NLGN1: variants seen among roughly 807,000 people sequenced by gnomAD.
The protein encoded by NLGN1 is neuroligin-1.
In NLGN1, 12 loss-of-function variants were observed where a neutral mutation model predicts 65.5. The observed-to-expected ratio is 0.18, with a 90% CI of 0.12 to 0.30. The LOEUF (loss-of-function observed/expected upper bound fraction) is 0.30. Ranked by LOEUF, NLGN1 falls within the 10% of genes least tolerant of loss-of-function variation. The pLI is 1.00. For synonymous variants in NLGN1, 350 were observed against 359.5 expected, an observed-to-expected ratio of 0.97 and a Z score of 0.30; for missense variants, 750 against 1,007.1, an observed-to-expected ratio of 0.74 and a Z score of 3.46.
At chr3:174,039,768 G>T (rs1731893622) in intron 4 of NLGN1, among the ~76,000 whole-genome samples, 2 of 152,114 alleles carry the variant, frequency 1.3e-5, no homozygotes. Flanking sequence ...CAATGTGTTT[G>T]GAATCGTTTG....
chr3:173,860,410 G>T (rs1406981838), intron 4 of NLGN1, among the ~76,000 whole-genome samples: 1 of 151,462 alleles, frequency 6.6e-6, no homozygotes, highest in Non-Finnish European at 1.5e-5. Context: ...TTTTCTAATT[G>T]TAGACTGTAG....
chr3:173,803,961 T>G (rs9838350), intron 3 of NLGN1, among the ~76,000 whole-genome samples: 103,336 of 152,060 alleles, frequency 0.68, 35,913 homozygotes, highest in Non-Finnish European at 0.75. Context: ...TAAACATATT[T>G]AATGATTATA....
intron 4 of NLGN1, among the ~76,000 whole-genome samples, chr3:173,899,965 C>A (rs1737033232): frequency 6.6e-6 from 1 of 152,038 alleles, no homozygotes. Flanking sequence ...ATGCAATCAA[C>A]TGAGTTCATA....
chr3:174,259,206 A>G (rs563303281), intron 4 of NLGN1, among the ~76,000 whole-genome samples: 2 of 152,102 alleles, frequency 1.3e-5, no homozygotes, highest in East Asian at 1.9e-4. Flanking sequence ...CATTACCCAG[A>G]CCTTATCTTA....
chr3:174,068,336 T>G (rs983735184), intron 4 of NLGN1, among the ~76,000 whole-genome samples: 7 of 152,140 alleles, frequency 4.6e-5, no homozygotes, highest in African/African-American at 1.7e-4. Flanking sequence ...GAGCCCAGTA[T>G]GCTAGATATT....
chr3:173,973,280 C>G (rs1169132029), intron 4 of NLGN1, among the ~76,000 whole-genome samples: 1 of 152,096 alleles, frequency 6.6e-6, no homozygotes, highest in East Asian at 1.9e-4. Flanking sequence ...GTGGGCTGTA[C>G]TTTGTGACAA....
chr3:173,870,237 G>C (rs987623347), intron 4 of NLGN1, among the ~76,000 whole-genome samples: 1 of 152,002 alleles, frequency 6.6e-6, no homozygotes, highest in Non-Finnish European at 1.5e-5. Flanking sequence ...TAAAATCTCT[G>C]TTTTAAAATA....
chr3:174,034,237 A>C (rs934880454), intron 4 of NLGN1, among the ~76,000 whole-genome samples: 1 of 152,118 alleles, frequency 6.6e-6, no homozygotes, highest in African/African-American at 2.4e-5. Flanking sequence ...CAAACATGAA[A>C]GAGAATTAAA....
At chr3:173,547,395 T>C (rs1740045816) in intron 2 of NLGN1, among the ~76,000 whole-genome samples, 1 of 152,158 alleles carries the variant, frequency 6.6e-6, no homozygotes, top group Non-Finnish European at 1.5e-5. Context: ...TCCAGAAGAA[T>C]GTTATCGGGT....
At chr3:174,163,966 G>T (rs147998568) in intron 4 of NLGN1, among the ~76,000 whole-genome samples, 1 of 152,000 alleles carries the variant, frequency 6.6e-6, no homozygotes, top group East Asian at 1.9e-4. Context: ...GGGATTGCTG[G>T]GTCAAATGAT....
At chr3:173,570,043 G>A (rs1021372314) in intron 2 of NLGN1, among the ~76,000 whole-genome samples, 3 of 152,176 alleles carry the variant, frequency 2.0e-5, no homozygotes, top group Admixed American at 6.5e-5. Context: ...TATGATAAAA[G>A]ATAAGGATAA....
intron 3 of NLGN1, among the ~76,000 whole-genome samples, chr3:173,728,791 C>T (rs781210338): frequency 9.2e-5 from 14 of 152,144 alleles, no homozygotes; most frequent in Middle Eastern, 3.4e-3. Context: ...GCTAGGAAGA[C>T]GCAAAGAAGG....
At chr3:173,748,902 A>G (rs556488677) in intron 3 of NLGN1, among the ~76,000 whole-genome samples, 1 of 152,178 alleles carries the variant, frequency 6.6e-6, no homozygotes, top group South Asian at 2.1e-4. Context: ...CTACACCTTG[A>G]TACTACCCCT....
chr3:174,130,194 GAAA>G (rs1719863923), intron 4 of NLGN1, among the ~76,000 whole-genome samples: 2 of 152,130 alleles, frequency 1.3e-5, no homozygotes, highest in African/African-American at 4.8e-5. Context: ...GGCCAACAAG[GAAA>G]CCCCGTCTCT....
At chr3:173,614,138 G>C (rs1265227391) in intron 3 of NLGN1, among the ~76,000 whole-genome samples, 1 of 151,850 alleles carries the variant, frequency 6.6e-6, no homozygotes, top group Admixed American at 6.6e-5. Flanking sequence ...AAAAGGTTTG[G>C]GGCTCCTCTT....
At chr3:173,670,515 T>C (rs1464828141) in intron 3 of NLGN1, among the ~76,000 whole-genome samples, 1 of 152,168 alleles carries the variant, frequency 6.6e-6, no homozygotes, top group East Asian at 1.9e-4. Context: ...TTATAAGTTA[T>C]TGGTGGTTTT....
chr3:173,571,386 G>T (rs1447576821), intron 2 of NLGN1, among the ~76,000 whole-genome samples: 2 of 152,150 alleles, frequency 1.3e-5, no homozygotes, highest in Non-Finnish European at 2.9e-5. Flanking sequence ...GCTGTCTCTA[G>T]GTGTGAGTAT....
intron 2 of NLGN1, among the ~76,000 whole-genome samples, chr3:173,449,351 G>C (rs1192999831): frequency 6.6e-6 from 1 of 152,112 alleles, no homozygotes; most frequent in Non-Finnish European, 1.5e-5. Flanking sequence ...AGGTTGTTCA[G>C]TTTCCATGTA....
intron 2 of NLGN1, among the ~76,000 whole-genome samples, chr3:173,528,984 C>G (rs1004554345): frequency 1.3e-5 from 2 of 152,094 alleles, no homozygotes; most frequent in Non-Finnish European, 2.9e-5. Flanking sequence ...TAGTGTGATC[C>G]TTTGATGGTT....
Sources: gnomAD v4.1 joint callset for allele counts (sites outside exome capture counted in the v4.1 genomes callset) on GRCh38, gnomAD v4.1.1 for gene constraint, MANE v1.5 for transcripts, NCBI Gene and HGNC (gene_info 2026-07-23, HGNC 2026-07-21) for gene names.